CFAP251: variants seen among roughly 807,000 people sequenced by gnomAD.
CFAP251 encodes the protein cilia and flagella associated protein 251.
Under a neutral mutation model 126.7 loss-of-function variants are expected in CFAP251, and 93 were observed. The ratio of observed to expected loss-of-function variants is 0.73; its 90% CI spans 0.62 to 0.87. CFAP251 has a LOEUF of 0.87. Ranked by LOEUF, CFAP251 falls within the 40% of genes least tolerant of loss-of-function variation. The probability of loss-of-function intolerance (pLI) is 0.00; values close to 1 mark genes in which losing one functional copy is unlikely to be tolerated. For missense variants in CFAP251, 1,287 were observed against 1,389.2 expected (o/e 0.93, Z 1.17); for synonymous variants, 503 against 506.9 (o/e 0.99, Z 0.10).
At chr12:121,998,465 ATATATATATATATATATATATAT>A (rs1299283026) in intron 19 of CFAP251, 3 of 45,416 alleles carry the variant, frequency 6.6e-5, no homozygotes, top group African/African-American at 2.6e-4. Context: ...ATATATATAT[ATATATATATATATATATATATAT>A]GATTGTGTTA....
In CFAP251 at chr12:121,923,942, A is replaced by G. The variant is rs1357364176; in HGVS notation, c.699A>G (p.Thr233=). The change falls in exon 3 of 22, where the codon ACA becomes ACG. Residue 233 remains threonine, a synonymous_variant. Transcript: ENST00000288912. ...GGGAGTCACTGGTGTCCAGCACCAC[A>G]GAGGACATTCTGTTTCAAAAGGATA... The part of the protein sequence containing the change: ...ISRESLVSST[T]EDILFQKDKS... 1.2e-6 allele frequency: 2 copies of G among 1,613,980 alleles called. No individual in the cohort carries two copies. The highest frequency in any genetic ancestry group is 1.7e-6 in the Non-Finnish European group (2 of 1,180,008).
intron 10 of CFAP251, among the ~76,000 whole-genome samples, chr12:121,955,455 A>G (rs1881695543): frequency 6.6e-6 from 1 of 152,070 alleles, no homozygotes; most frequent in Non-Finnish European, 1.5e-5. Context: ...TTCATCTGTA[A>G]AATGGGCATA....
intron 3 of CFAP251, among the ~76,000 whole-genome samples, chr12:121,929,680 TC>T (rs1374542831): frequency 6.7e-6 from 1 of 149,742 alleles, no homozygotes; most frequent in African/African-American, 2.5e-5. Flanking sequence ...CAACCACTGA[TC>T]TTTTTTTTTT....
rs186208314 is a variant in CFAP251 at position 121,961,853 on chromosome 12, G to A, written c.2308-125G>A. 1.2e-3 allele frequency: 1,152 copies of A among 956,336 alleles called. 1 individual carries two copies. Among genetic ancestry groups the A allele is most frequent in the Non-Finnish European group, 1.5e-3 (933 of 640,172 alleles). 59.2% of individuals were successfully genotyped at this position (956,336 alleles called of 1,614,324 possible). Reference sequence around the variant, plus strand: ...GTCTTCTCTTAGGAGACCTGATACCGTCTCCCCCAGAACAGCACTGTTGGC... The same window carrying A: ...GTCTTCTCTTAGGAGACCTGATACCATCTCCCCCAGAACAGCACTGTTGGC... On this transcript the variant is annotated intron_variant, in intron 14 of 21. Coordinates refer to ENST00000288912, the MANE Select transcript of CFAP251 (RefSeq NM_144668.6).
chr12:121,963,723 C>T (rs1882026477), intron 15 of CFAP251, among the ~76,000 whole-genome samples: 1 of 150,334 alleles, frequency 6.7e-6, no homozygotes, highest in Admixed American at 6.7e-5. Context: ...CATCCCATTC[C>T]CTCATCCACA....
Position 121,958,385 on chromosome 12 carries a change from A to G in CFAP251, c.1844A>G (p.His615Arg). 1 of 1,614,238 alleles carries G rather than the reference A, an allele frequency of 6.2e-7. No individual in the cohort carries two copies. Among genetic ancestry groups the G allele is most frequent in the Non-Finnish European group, 8.5e-7 (1 of 1,180,034 alleles). Residue 615 changes from histidine to arginine, a missense_variant, in exon 12 of 22, where the codon CAC (histidine) becomes CGC (arginine). Coordinates refer to ENST00000288912, the MANE Select transcript of CFAP251 (RefSeq NM_144668.6). ...PKDAICAISC[H>R]PYQPLIAIGS... Reference sequence around the variant, plus strand: ...GATGCCATTTGTGCCATCTCCTGCCACCCATATCAACCCCTCATTGCCATC... The same window carrying G: ...GATGCCATTTGTGCCATCTCCTGCCGCCCATATCAACCCCTCATTGCCATC...
intron 3 of CFAP251, among the ~76,000 whole-genome samples, chr12:121,928,677 T>TATATACGTATAC (rs1880544021): frequency 2.4e-5 from 1 of 42,136 alleles, no homozygotes; most frequent in African/African-American, 5.6e-5. Flanking sequence ...TACGTATATA[T>TATATACGTATAC]ATATATATAT....
At chr12:121,953,867 A>T (rs1881618533) in intron 9 of CFAP251, 2 of 448,948 alleles carry the variant, frequency 4.5e-6, no homozygotes, top group Admixed American at 4.0e-5. Flanking sequence ...GTGATTAACC[A>T]CTCTCTCGTT....
intron 19 of CFAP251, among the ~76,000 whole-genome samples, chr12:121,993,025 G>T (rs1430617022): frequency 1.5e-5 from 2 of 135,286 alleles, no homozygotes; most frequent in South Asian, 2.4e-4. Context: ...CCTCTCATGC[G>T]GAGCCGAAGC....
At chr12:121,971,381 A>G (rs1484134720) in intron 17 of CFAP251, among the ~76,000 whole-genome samples, 1 of 152,220 alleles carries the variant, frequency 6.6e-6, no homozygotes, top group Non-Finnish European at 1.5e-5. Flanking sequence ...GGGCTTGTGC[A>G]TGCCTCAGTG....
At chr12:121,991,134 AC>A (rs1235134711) in intron 19 of CFAP251, among the ~76,000 whole-genome samples, 1 of 152,206 alleles carries the variant, frequency 6.6e-6, no homozygotes, top group Non-Finnish European at 1.5e-5. Flanking sequence ...TTGTGGCCTC[AC>A]TTGTGTCCAC....
At chr12:121,999,993 G>C in intron 20 of CFAP251, 49 bp downstream of exon 20, 1 of 1,537,568 alleles carries the variant, frequency 6.5e-7, no homozygotes, top group Non-Finnish European at 9.0e-7. Flanking sequence ...GCCATTCCCA[G>C]TGTAGAGAAC....
intron 10 of CFAP251, 93 bp downstream of exon 10, chr12:121,954,427 A>G: frequency 8.6e-7 from 1 of 1,164,540 alleles, no homozygotes; most frequent in Admixed American, 2.6e-5. Flanking sequence ...TTACACCTCT[A>G]ATTTCAGTTC....
intron 5 of CFAP251, among the ~76,000 whole-genome samples, chr12:121,937,959 T>A (rs1301487412): frequency 2.6e-5 from 4 of 152,228 alleles, no homozygotes; most frequent in Non-Finnish European, 5.9e-5. Flanking sequence ...CACAGTACAT[T>A]GTATGGATAG....
chr12:121,921,235 G>A (rs1880156939), intron 1 of CFAP251, 51 bp from the exon 2 acceptor site: 3 of 1,518,072 alleles, frequency 2.0e-6, no homozygotes, highest in Admixed American at 2.3e-5. Context: ...ACTAGGAGAT[G>A]GAAATGGGAA....
Position 121,985,459 on chromosome 12 carries a change from A to G in CFAP251, c.3006+9774A>G, listed in dbSNP as rs562885778. On this transcript the variant is annotated intron_variant, in intron 19 of 21. Transcript: ENST00000288912. ...TGAGGCAGGAGAATCGCTTGAACCC[A>G]GGAGGCAGAGGTTGCAGTGAGCTGA... Among the ~76,000 whole-genome samples the G allele has an allele frequency of 4.0e-5, 6 of 149,008 alleles. No individual in the cohort carries two copies. The South Asian group carries it at 1.3e-3, about 32-fold the overall frequency.
intron 17 of CFAP251, among the ~76,000 whole-genome samples, chr12:121,973,830 T>C (rs990482879): frequency 1.3e-5 from 2 of 152,194 alleles, no homozygotes; most frequent in African/African-American, 4.8e-5. Context: ...AGTAATTAAC[T>C]TGCTTTTGAT....
In CFAP251 at chr12:121,962,002, T is replaced by C; in HGVS notation, c.2332T>C (p.Tyr778His). 1 of 1,613,782 alleles carries C rather than the reference T, an allele frequency of 6.2e-7. No individual in the cohort carries two copies. The highest frequency in any genetic ancestry group is 2.2e-5 in the East Asian group (1 of 44,888). Residue 778 changes from tyrosine to histidine, a missense_variant, in exon 15 of 22, where the codon TAC (tyrosine) becomes CAC (histidine). Coordinates refer to ENST00000288912, the MANE Select transcript of CFAP251 (RefSeq NM_144668.6). ...GATAGAGTATGATCTTCTCAGGAGC[T>C]ACAAAGACCACCTGGAAGTCCTGGA... is the stretch of plus-strand genomic sequence containing the variant. ...LLIEYDLLRS[Y>H]KDHLEVLDIH...
rs1881902951 is a variant in CFAP251, at chr12:121,960,716, C to T, written c.2265C>T (p.Ser755=). 1.2e-6 allele frequency: 2 copies of T among 1,613,860 alleles called. No individual in the cohort carries two copies. The highest frequency in any genetic ancestry group is 1.7e-6 in the Non-Finnish European group (2 of 1,179,900). ...RSLLFGVYLD[S]NEPRLLSLGT... ...TCCTGTTTGGGGTTTACCTGGACAGCAATGAGCCTAGACTGCTGAGCCTTG... is the reference window on the plus strand; with the variant it reads ...TCCTGTTTGGGGTTTACCTGGACAGTAATGAGCCTAGACTGCTGAGCCTTG... The change falls in exon 14 of 22, where the codon AGC becomes AGT. Residue 755 remains serine (S), a synonymous_variant. Coordinates refer to ENST00000288912, the MANE Select transcript of CFAP251 (RefSeq NM_144668.6).
Sources: gnomAD v4.1 joint callset for allele counts (sites outside exome capture counted in the v4.1 genomes callset) on GRCh38, gnomAD v4.1.1 for gene constraint, MANE v1.5 for transcripts, NCBI Gene and HGNC (gene_info 2026-07-23, HGNC 2026-07-21) for gene names.